Variants in CCSER2 observed in about 807,000 individuals in gnomAD.
The protein encoded by CCSER2 is coiled-coil serine rich protein 2.
A neutral mutation model predicts 92.3 loss-of-function variants in CCSER2; 46 were observed. The ratio of observed to expected loss-of-function variants is 0.50; its 90% CI spans 0.39 to 0.64. CCSER2 has a LOEUF of 0.64. Ranked by LOEUF, CCSER2 falls within the 30% of genes least tolerant of loss-of-function variation. The pLI is 0.00. For missense variants in CCSER2, 1,244 were observed against 1,238.9 expected (o/e 1.00, Z -0.06); for synonymous variants, 433 against 431.4 (o/e 1.00, Z -0.04).
intron 9 of CCSER2, chr10:84,507,374 T>A: frequency 1.0e-6 from 1 of 957,936 alleles, no homozygotes; most frequent in Non-Finnish European, 1.2e-6. Context: ...ACCTTCCTCA[T>A]AATCACTTTT....
intron 3 of CCSER2, among the ~76,000 whole-genome samples, chr10:84,378,650 G>T (rs1317825921): frequency 1.3e-5 from 2 of 152,068 alleles, no homozygotes; most frequent in Non-Finnish European, 2.9e-5. Context: ...GGCCAGGCTG[G>T]TCTCGAACTC....
intron 6 of CCSER2, among the ~76,000 whole-genome samples, chr10:84,457,308 TATATATAATATATTATATATA>T (rs1564684983): frequency 1.5e-5 from 1 of 68,452 alleles, no homozygotes; most frequent in African/African-American, 5.0e-5. Flanking sequence ...TATAATATGT[TATATATAATATATTATATATA>T]ATATATTATA....
At chr10:84,332,231 G>A (rs1026261618) in intron 1 of CCSER2, among the ~76,000 whole-genome samples, 6 of 151,748 alleles carry the variant, frequency 4.0e-5, no homozygotes, top group Non-Finnish European at 7.4e-5. Flanking sequence ...ACAAGCAAAT[G>A]CAGTATTCTT....
intron 9 of CCSER2, among the ~76,000 whole-genome samples, chr10:84,505,596 TA>T (rs1177481024): frequency 6.6e-6 from 1 of 152,192 alleles, no homozygotes; most frequent in Non-Finnish European, 1.5e-5. Context: ...AGTAACTCAG[TA>T]AAAAAACTTT....
At chr10:84,478,217 T>G (rs1381504651) in intron 9 of CCSER2, among the ~76,000 whole-genome samples, 1 of 152,228 alleles carries the variant, frequency 6.6e-6, no homozygotes, top group African/African-American at 2.4e-5. Flanking sequence ...TATTTGTTTT[T>G]CAAAAATGTT....
At chr10:84,346,402 AC>A (rs1391495541) in intron 1 of CCSER2, among the ~76,000 whole-genome samples, 2 of 152,074 alleles carry the variant, frequency 1.3e-5, no homozygotes, top group Non-Finnish European at 2.9e-5. Context: ...AAAAAAAAAA[AC>A]TAAATATTTT....
chr10:84,416,580 A>G (rs1842896760), intron 3 of CCSER2, among the ~76,000 whole-genome samples: 1 of 152,184 alleles, frequency 6.6e-6, no homozygotes, highest in Non-Finnish European at 1.5e-5. Flanking sequence ...CAACATAGGA[A>G]ACAGTTTTAA....
At chr10:84,391,831 A>G (rs1564623630) in intron 3 of CCSER2, 7 of 1,556,298 alleles carry the variant, frequency 4.5e-6, no homozygotes, top group East Asian at 4.5e-5. Context: ...AATTTGTACC[A>G]TGATCATTGT....
intron 9 of CCSER2, among the ~76,000 whole-genome samples, chr10:84,481,663 A>T (rs946660229): frequency 3.9e-5 from 6 of 152,184 alleles, no homozygotes; most frequent in Non-Finnish European, 7.3e-5. Context: ...TAGGCATAGT[A>T]CAGGATGTTT....
intron 5 of CCSER2, among the ~76,000 whole-genome samples, chr10:84,436,135 C>G (rs915912193): frequency 5.3e-5 from 8 of 150,812 alleles, no homozygotes; most frequent in African/African-American, 2.0e-4. Context: ...CGAGACCACC[C>G]TGTGAATGGT....
At chr10:84,421,823 A>G (rs906130242) in intron 4 of CCSER2, among the ~76,000 whole-genome samples, 1 of 152,214 alleles carries the variant, frequency 6.6e-6, no homozygotes, top group African/African-American at 2.4e-5. Flanking sequence ...GACCTAGGGA[A>G]AACCCTGATT....
intron 5 of CCSER2, among the ~76,000 whole-genome samples, chr10:84,429,872 GAA>G (rs76476227): frequency 2.1e-4 from 31 of 146,120 alleles, no homozygotes; most frequent in East Asian, 2.0e-4. Flanking sequence ...CAAAAAATTT[GAA>G]AAAAAAAAAA....
chr10:84,462,767 G>A (rs1343587688), intron 6 of CCSER2, among the ~76,000 whole-genome samples: 3 of 152,066 alleles, frequency 2.0e-5, no homozygotes, highest in Non-Finnish European at 2.9e-5. Flanking sequence ...GAAATTCTGG[G>A]CCCCATCCCT....
At chr10:84,462,336 C>A (rs188882636) in intron 6 of CCSER2, among the ~76,000 whole-genome samples, 1 of 152,298 alleles carries the variant, frequency 6.6e-6, no homozygotes, top group Admixed American at 6.5e-5. Context: ...GCATTTAATG[C>A]AAAGCAGTAT....
chr10:84,436,973 C>T (rs1278568863), intron 5 of CCSER2, among the ~76,000 whole-genome samples: 1 of 152,076 alleles, frequency 6.6e-6, no homozygotes, highest in African/African-American at 2.4e-5. Context: ...GGAATTTTTG[C>T]ACATTTAATG....
chr10:84,501,152 C>CG (rs1195144497), intron 9 of CCSER2, among the ~76,000 whole-genome samples: 5 of 152,184 alleles, frequency 3.3e-5, no homozygotes, highest in Non-Finnish European at 7.3e-5. Flanking sequence ...CTTCTCCCAC[C>CG]ACCTTGGTAA....
intron 9 of CCSER2, among the ~76,000 whole-genome samples, chr10:84,491,289 C>G (rs193096470): frequency 1.3e-5 from 2 of 152,334 alleles, no homozygotes; most frequent in East Asian, 3.9e-4. Flanking sequence ...ACATTTAAGT[C>G]TGCAGAGGTT....
At chr10:84,441,215 T>G (rs1277672686) in intron 6 of CCSER2, among the ~76,000 whole-genome samples, 3 of 152,192 alleles carry the variant, frequency 2.0e-5, no homozygotes, top group Non-Finnish European at 4.4e-5. Context: ...TTTTTTGTTA[T>G]ACGTTTTTCT....
intron 3 of CCSER2, among the ~76,000 whole-genome samples, chr10:84,416,201 C>G (rs1266369074): frequency 2.0e-5 from 3 of 152,214 alleles, no homozygotes. Context: ...GTTCCTTTGG[C>G]TCCACATTGC....
Sources: gnomAD v4.1 joint callset for allele counts (sites outside exome capture counted in the v4.1 genomes callset) on GRCh38, gnomAD v4.1.1 for gene constraint, MANE v1.5 for transcripts, NCBI Gene and HGNC (gene_info 2026-07-23, HGNC 2026-07-21) for gene names.